DSE: variants seen among roughly 807,000 people sequenced by gnomAD.
DSE encodes the protein dermatan-sulfate epimerase.
In DSE, 36 loss-of-function variants were observed where a neutral mutation model predicts 84.4. The observed-to-expected ratio is 0.43, with a 90% CI of 0.33 to 0.56. The LOEUF (loss-of-function observed/expected upper bound fraction) is 0.56. Among genes scored for constraint, DSE ranks in the 20% least tolerant of loss-of-function variants. DSE has a pLI of 0.06. For synonymous variants in DSE, 410 were observed against 430.1 expected (o/e 0.95, Z 0.58); for missense variants, 862 against 1,169.6 (o/e 0.74, Z 3.84).
At chr6:116,418,687 C>A (rs1407341624) in intron 2 of DSE, among the ~76,000 whole-genome samples, 1 of 152,200 alleles carries the variant, frequency 6.6e-6, no homozygotes, top group Non-Finnish European at 1.5e-5. Context: ...GCCACTGACT[C>A]TGGCATGTTC....
intron 2 of DSE, among the ~76,000 whole-genome samples, chr6:116,402,903 G>T (rs569527677): frequency 1.3e-5 from 2 of 152,238 alleles, no homozygotes; most frequent in African/African-American, 4.8e-5. Flanking sequence ...ATTTATTAAT[G>T]GGGTTCATTT....
At position 116,279,107 on chromosome 6, in the gene DSE, C is replaced by T. The variant is rs755834389; in HGVS notation, c.-54+20140C>T. The T allele has an allele frequency of 1.2e-6, 2 of 1,614,004 alleles. No individual in the cohort carries two copies. Among genetic ancestry groups the T allele is most frequent in the South Asian group, 1.1e-5 (1 of 91,088 alleles). On this transcript the variant is annotated intron_variant, in intron 2 of 3. Transcript: ENST00000430252. ...AAGGCCCTGTCGGCCTGAGCATTCA[C>T]AGTGTCCAGTTCCAGCTGGATGGCC...
intron 1 of DSE, among the ~76,000 whole-genome samples, chr6:116,393,309 ATG>A (rs759723700): frequency 6.6e-6 from 1 of 152,228 alleles, no homozygotes; most frequent in Non-Finnish European, 1.5e-5. Flanking sequence ...TGAGCTTACT[ATG>A]AGTGATGTGT....
At chr6:116,260,550 C>T (rs952127918) in intron 2 of DSE, among the ~76,000 whole-genome samples, 1 of 152,190 alleles carries the variant, frequency 6.6e-6, no homozygotes, top group Non-Finnish European at 1.5e-5. Context: ...GTCATGAAAT[C>T]TTTGTCCATT....
intron 2 of DSE, among the ~76,000 whole-genome samples, chr6:116,310,019 A>G (rs9488897): frequency 6.6e-6 from 1 of 152,122 alleles, no homozygotes; most frequent in Non-Finnish European, 1.5e-5. Flanking sequence ...TTTGCCAACT[A>G]TTAGAGTTTA....
At chr6:116,425,196 T>A (rs1783353735) in intron 2 of DSE, among the ~76,000 whole-genome samples, 1 of 152,278 alleles carries the variant, frequency 6.6e-6, no homozygotes, top group Non-Finnish European at 1.5e-5. Context: ...TTTTTAAATA[T>A]GTGTATTGAT....
chr6:116,390,745 G>A (rs9488920), intron 1 of DSE, among the ~76,000 whole-genome samples: 2,724 of 152,182 alleles, frequency 0.018, 78 homozygotes, highest in African/African-American at 0.057. Context: ...AAGTGTAACC[G>A]TTTCATTTTC....
At chr6:116,330,997 CAT>C (rs1194623049) in intron 2 of DSE, among the ~76,000 whole-genome samples, 6 of 152,082 alleles carry the variant, frequency 3.9e-5, no homozygotes, top group African/African-American at 1.4e-4. Context: ...GAATTTATGA[CAT>C]TAACAGAATA....
At chr6:116,358,204 T>G (rs1051975649) in intron 2 of DSE, among the ~76,000 whole-genome samples, 1 of 152,202 alleles carries the variant, frequency 6.6e-6, no homozygotes, top group Non-Finnish European at 1.5e-5. Flanking sequence ...TAGGTGATTT[T>G]TTTGTTTGTT....
chr6:116,260,960 A>G (rs1772388895), intron 2 of DSE, among the ~76,000 whole-genome samples: 1 of 152,092 alleles, frequency 6.6e-6, no homozygotes, highest in African/African-American at 2.4e-5. Context: ...TGCCTTGGGT[A>G]TTTGGGCTCT....
At chr6:116,350,050 T>A (rs1177527406) in intron 2 of DSE, among the ~76,000 whole-genome samples, 1 of 152,250 alleles carries the variant, frequency 6.6e-6, no homozygotes, top group African/African-American at 2.4e-5. Flanking sequence ...TACCTAAATG[T>A]ACTACTCCCT....
intron 2 of DSE, among the ~76,000 whole-genome samples, chr6:116,287,510 G>A (rs1219626966): frequency 2.0e-5 from 3 of 151,838 alleles, no homozygotes; most frequent in Admixed American, 2.0e-4. Flanking sequence ...ATAATACTTT[G>A]TTTTACAATT....
intron 1 of DSE, among the ~76,000 whole-genome samples, chr6:116,376,201 C>G (rs1583126278): frequency 6.6e-6 from 1 of 152,204 alleles, no homozygotes; most frequent in Non-Finnish European, 1.5e-5. Context: ...TTCCACTTCT[C>G]TCTATCTCTT....
intron 1 of DSE, chr6:116,254,445 C>T (rs1772060043): frequency 5.7e-6 from 2 of 348,790 alleles, no homozygotes; most frequent in Admixed American, 7.0e-5. Context: ...AGTGGATTCA[C>T]GAACTCACAG....
chr6:116,358,187 T>C (rs959862214), intron 2 of DSE, among the ~76,000 whole-genome samples: 5 of 152,210 alleles, frequency 3.3e-5, no homozygotes, highest in African/African-American at 1.2e-4. Context: ...CTTTCCTACA[T>C]GACTTGTAGG....
intron 2 of DSE, among the ~76,000 whole-genome samples, chr6:116,295,790 A>G (rs1353650092): frequency 6.6e-6 from 1 of 152,218 alleles, no homozygotes. Context: ...AAAAATAAGC[A>G]TAACATTATC....
chr6:116,290,689 T>G (rs9400899), intron 2 of DSE, among the ~76,000 whole-genome samples: 36,621 of 152,032 alleles, frequency 0.24, 5,542 homozygotes, highest in East Asian at 0.64. Flanking sequence ...AATAATTCCT[T>G]AAAACTCATC....
chr6:116,421,271 G>A (rs1169988588), intron 2 of DSE, among the ~76,000 whole-genome samples: 1 of 151,366 alleles, frequency 6.6e-6, no homozygotes, highest in Non-Finnish European at 1.5e-5. Context: ...AAATTAATGA[G>A]GACATCAAAC....
intron 1 of DSE, among the ~76,000 whole-genome samples, chr6:116,371,810 T>G (rs1220510027): frequency 6.6e-6 from 1 of 152,194 alleles, no homozygotes; most frequent in Non-Finnish European, 1.5e-5. Flanking sequence ...CCACATGGGC[T>G]CAAGATCTGT....
Sources: allele counts gnomAD v4.1 joint callset (sites outside exome capture counted in the v4.1 genomes callset), GRCh38; gene constraint gnomAD v4.1.1; transcripts MANE v1.5; gene names NCBI Gene and HGNC (gene_info 2026-07-23, HGNC 2026-07-21).